The following NRXN1 variants were observed in gnomAD, a reference collection of about 807,000 sequenced individuals.
NRXN1 encodes the protein neurexin-1.
NRXN1 carries 39 observed loss-of-function variants against 150.9 expected under a neutral mutation model. The ratio of observed to expected loss-of-function variants is 0.26; its 90% CI spans 0.20 to 0.34. The LOEUF is 0.34. Among genes scored for constraint, NRXN1 ranks in the 10% least tolerant of loss-of-function variants. The probability of loss-of-function intolerance (pLI) is 1.00; values close to 1 mark genes in which losing one functional copy is unlikely to be tolerated. For synonymous variants in NRXN1, 924 were observed against 757.0 expected, an observed-to-expected ratio of 1.22 and a Z score of -3.62; for missense variants, 1,815 against 1,949.9, an observed-to-expected ratio of 0.93 and a Z score of 1.30.
intron 5 of NRXN1, among the ~76,000 whole-genome samples, chr2:50,638,379 T>C (rs1683543731): frequency 6.6e-6 from 1 of 152,176 alleles, no homozygotes; most frequent in Non-Finnish European, 1.5e-5. Flanking sequence ...TCTCACCTTA[T>C]TCTCCATGAA....
intron 17 of NRXN1, among the ~76,000 whole-genome samples, chr2:50,345,363 C>T (rs2152996214): frequency 6.6e-6 from 1 of 152,282 alleles, no homozygotes; most frequent in Admixed American, 6.5e-5. Context: ...ACCCTGCATC[C>T]ATGGAATAAA....
intron 17 of NRXN1, among the ~76,000 whole-genome samples, chr2:50,458,590 T>C (rs2087831799): frequency 6.6e-6 from 1 of 151,962 alleles, no homozygotes; most frequent in Non-Finnish European, 1.5e-5. Flanking sequence ...TAATTTTTTT[T>C]TTTTTTGAGA....
chr2:49,924,001 T>C (rs1668660480), intron 22 of NRXN1, among the ~76,000 whole-genome samples: 1 of 152,234 alleles, frequency 6.6e-6, no homozygotes, highest in Non-Finnish European at 1.5e-5. Flanking sequence ...TTACAGGAAT[T>C]AATTTCCTCT....
chr2:50,725,041 T>C (rs1034230524), intron 5 of NRXN1, among the ~76,000 whole-genome samples: 1 of 152,074 alleles, frequency 6.6e-6, no homozygotes, highest in African/African-American at 2.4e-5. Flanking sequence ...GATTATCAGG[T>C]TACGTAATAA....
At chr2:50,568,904 A>G (rs1670249603) in intron 8 of NRXN1, among the ~76,000 whole-genome samples, 1 of 152,196 alleles carries the variant, frequency 6.6e-6, no homozygotes, top group Non-Finnish European at 1.5e-5. Flanking sequence ...GTGTCCACCA[A>G]CAGACAAATC....
At chr2:50,802,482 A>G (rs1707730887) in intron 5 of NRXN1, among the ~76,000 whole-genome samples, 1 of 145,528 alleles carries the variant, frequency 6.9e-6, no homozygotes, top group Non-Finnish European at 1.5e-5. Context: ...ACAAGAGTGA[A>G]TCTCTGAGAA....
At chr2:50,402,302 T>A (rs1558668587) in intron 17 of NRXN1, among the ~76,000 whole-genome samples, 2 of 152,070 alleles carry the variant, frequency 1.3e-5, no homozygotes, top group African/African-American at 2.4e-5. Context: ...TTGGTTTTTT[T>A]AAATGGTAGA....
At chr2:50,624,106 C>A (rs910539842) in intron 5 of NRXN1, among the ~76,000 whole-genome samples, 2 of 152,028 alleles carry the variant, frequency 1.3e-5, no homozygotes, top group Non-Finnish European at 2.9e-5. Flanking sequence ...ATGTTTATTG[C>A]CGCACTATTC....
chr2:50,084,515 C>T (rs1004692276), intron 19 of NRXN1, among the ~76,000 whole-genome samples: 8 of 152,186 alleles, frequency 5.3e-5, no homozygotes, highest in Non-Finnish European at 7.4e-5. Context: ...CAGGGCCCAC[C>T]AAGCCCACGC....
chr2:50,051,574 T>C (rs988987651), intron 21 of NRXN1, among the ~76,000 whole-genome samples: 1 of 152,090 alleles, frequency 6.6e-6, no homozygotes, highest in Non-Finnish European at 1.5e-5. Context: ...AACAAATCAT[T>C]AATGAAACAT....
At chr2:50,875,843 C>A (rs974571013) in intron 5 of NRXN1, among the ~76,000 whole-genome samples, 4 of 151,788 alleles carry the variant, frequency 2.6e-5, no homozygotes, top group Non-Finnish European at 5.9e-5. Context: ...TCATCTCAGG[C>A]TTATAGCACA....
chr2:50,413,154 G>C (rs938058671), intron 17 of NRXN1, among the ~76,000 whole-genome samples: 2 of 152,170 alleles, frequency 1.3e-5, no homozygotes, highest in Non-Finnish European at 2.9e-5. Flanking sequence ...ACCACCCACA[G>C]AATGGGAGAA....
chr2:50,558,096 A>T (rs1668514705), intron 8 of NRXN1, among the ~76,000 whole-genome samples: 1 of 152,218 alleles, frequency 6.6e-6, no homozygotes, highest in Non-Finnish European at 1.5e-5. Flanking sequence ...AAGATTTACC[A>T]GTTCACTTTC....
intron 5 of NRXN1, among the ~76,000 whole-genome samples, chr2:50,814,530 C>T (rs72837092): frequency 0.11 from 16,819 of 151,876 alleles, 1,199 homozygotes; most frequent in East Asian, 0.15. Context: ...AAAGAAGAAC[C>T]CTGGGGAACA....
intron 5 of NRXN1, among the ~76,000 whole-genome samples, chr2:50,828,157 G>A (rs1449747901): frequency 3.3e-5 from 5 of 151,044 alleles, no homozygotes; most frequent in African/African-American, 4.9e-5. Flanking sequence ...GGGCAGAGGG[G>A]CTCCTCACTT....
At chr2:50,204,597 T>A (rs1417359489) in intron 18 of NRXN1, among the ~76,000 whole-genome samples, 1 of 152,074 alleles carries the variant, frequency 6.6e-6, no homozygotes, top group Non-Finnish European at 1.5e-5. Context: ...TGAATTGATA[T>A]TTTAGTTGTG....
At chr2:50,028,529 A>G (rs1160022951) in intron 21 of NRXN1, among the ~76,000 whole-genome samples, 1 of 152,220 alleles carries the variant, frequency 6.6e-6, no homozygotes, top group African/African-American at 2.4e-5. Flanking sequence ...AGTTGTTAGT[A>G]TCAGCATTAA....
intron 17 of NRXN1, among the ~76,000 whole-genome samples, chr2:50,428,649 T>C (rs1306910426): frequency 6.6e-6 from 1 of 152,222 alleles, no homozygotes; most frequent in East Asian, 1.9e-4. Flanking sequence ...GGAAAGAGAT[T>C]AGCTTTGCTA....
intron 18 of NRXN1, among the ~76,000 whole-genome samples, chr2:50,229,320 C>T (rs1161916615): frequency 8.4e-6 from 1 of 119,054 alleles, no homozygotes; most frequent in Non-Finnish European, 1.8e-5. Context: ...GCTTTCAGCG[C>T]ATTTTTTTTT....
Sources: gnomAD v4.1 joint callset for allele counts (sites outside exome capture counted in the v4.1 genomes callset) on GRCh38, gnomAD v4.1.1 for gene constraint, MANE v1.5 for transcripts, NCBI Gene and HGNC (gene_info 2026-07-23, HGNC 2026-07-21) for gene names.